RALYL: variants seen among roughly 807,000 people sequenced by gnomAD.
The protein encoded by RALYL is RNA-binding Raly-like protein.
In RALYL, 29 loss-of-function variants were observed where a neutral mutation model predicts 35.1. The ratio of observed to expected loss-of-function variants is 0.83; its 90% CI spans 0.61 to 1.13. The LOEUF (loss-of-function observed/expected upper bound fraction) is 1.13, where lower values mean the gene tolerates loss of function less well. RALYL is among the 50% of genes most tolerant of loss of function. RALYL has a pLI of 0.00. For missense variants in RALYL, 359 were observed against 360.4 expected (o/e 1.00, Z 0.03); for synonymous variants, 120 against 127.6 (o/e 0.94, Z 0.40).
At chr8:84,743,617 T>C (rs767936876) in intron 2 of RALYL, among the ~76,000 whole-genome samples, 1 of 152,062 alleles carries the variant, frequency 6.6e-6, no homozygotes, top group African/African-American at 2.4e-5. Context: ...TGAGTAGTTT[T>C]ATGCTTTTTG....
chr8:84,389,323 C>T (rs190676101), intron 1 of RALYL, among the ~76,000 whole-genome samples: 61 of 152,020 alleles, frequency 4.0e-4, no homozygotes, highest in African/African-American at 1.2e-3. Flanking sequence ...CTTGGCAATG[C>T]GGGCTCTTTT....
chr8:84,440,503 A>G (rs1311148672), intron 1 of RALYL, among the ~76,000 whole-genome samples: 1 of 152,018 alleles, frequency 6.6e-6, no homozygotes, highest in Non-Finnish European at 1.5e-5. Context: ...AAATGCAGCA[A>G]CTCTTATAAT....
At chr8:84,430,558 G>A (rs2047037076) in intron 1 of RALYL, among the ~76,000 whole-genome samples, 1 of 152,016 alleles carries the variant, frequency 6.6e-6, no homozygotes, top group South Asian at 2.1e-4. Flanking sequence ...AGAACCACTG[G>A]GAGGAAACCA....
chr8:84,307,488 A>C (rs1316655232), intron 1 of RALYL, among the ~76,000 whole-genome samples: 1 of 152,232 alleles, frequency 6.6e-6, no homozygotes. Flanking sequence ...AAATGAAGAA[A>C]AAAAAGCACA....
At chr8:84,730,073 C>G (rs1057346280) in intron 2 of RALYL, among the ~76,000 whole-genome samples, 2 of 152,082 alleles carry the variant, frequency 1.3e-5, no homozygotes, top group East Asian at 1.9e-4. Flanking sequence ...TGGGCGGAGA[C>G]ACAACCAAAA....
intron 2 of RALYL, among the ~76,000 whole-genome samples, chr8:84,553,810 G>A (rs1410298628): frequency 1.3e-5 from 2 of 151,796 alleles, no homozygotes; most frequent in African/African-American, 2.4e-5. Context: ...TGCCTATACT[G>A]TCTATTTTAT....
intron 1 of RALYL, among the ~76,000 whole-genome samples, chr8:84,511,415 A>AT (rs1294840766): frequency 6.6e-6 from 1 of 152,152 alleles, no homozygotes; most frequent in African/African-American, 2.4e-5. Context: ...GAATTCTCTT[A>AT]TTTTTTATTT....
At chr8:84,701,503 G>C (rs1415148124) in intron 2 of RALYL, among the ~76,000 whole-genome samples, 9 of 152,102 alleles carry the variant, frequency 5.9e-5, no homozygotes, top group Non-Finnish European at 1.5e-5. Context: ...TACTTAGAAG[G>C]TTTATGAAAT....
intron 8 of RALYL, among the ~76,000 whole-genome samples, chr8:84,891,825 T>C (rs917119236): frequency 6.6e-6 from 1 of 152,006 alleles, no homozygotes; most frequent in Admixed American, 6.6e-5. Context: ...TCCCAAAAAG[T>C]GAAATAAAAG....
At chr8:84,541,333 C>CT (rs2060006353) in intron 2 of RALYL, among the ~76,000 whole-genome samples, 2 of 151,864 alleles carry the variant, frequency 1.3e-5, no homozygotes, top group East Asian at 3.8e-4. Flanking sequence ...TTTTCTAGTT[C>CT]ATGTCTATAT....
chr8:84,705,583 T>C (rs74498184), intron 2 of RALYL, among the ~76,000 whole-genome samples: 2,250 of 152,302 alleles, frequency 0.015, 61 homozygotes, highest in African/African-American at 0.051. Context: ...CAAAATAATA[T>C]ACAAATTTCA....
chr8:84,723,431 C>A (rs938450759), intron 2 of RALYL, among the ~76,000 whole-genome samples: 1 of 151,952 alleles, frequency 6.6e-6, no homozygotes, highest in Non-Finnish European at 1.5e-5. Context: ...AACTTAAATT[C>A]AGTTGGGCAG....
At chr8:84,470,112 C>G (rs980105559) in intron 1 of RALYL, among the ~76,000 whole-genome samples, 1 of 152,180 alleles carries the variant, frequency 6.6e-6, no homozygotes, top group Admixed American at 6.5e-5. Context: ...GCGTCGCTCA[C>G]GCTGGGAGCT....
intron 7 of RALYL, among the ~76,000 whole-genome samples, chr8:84,882,427 T>C (rs1295179471): frequency 6.6e-6 from 1 of 152,060 alleles, no homozygotes; most frequent in Non-Finnish European, 1.5e-5. Context: ...TTACTTTGAC[T>C]TTGTGGTTTG....
At chr8:84,612,605 T>A (rs1818557409) in intron 2 of RALYL, among the ~76,000 whole-genome samples, 1 of 151,792 alleles carries the variant, frequency 6.6e-6, no homozygotes, top group Non-Finnish European at 1.5e-5. Flanking sequence ...AATATTCCTT[T>A]CCGGAGATAA....
At position 84,536,894 on chromosome 8, in the gene RALYL, T is replaced by A. The variant is rs1245737939; in HGVS notation, c.256+7317T>A. Among the ~76,000 whole-genome samples the A allele has an allele frequency of 2.0e-5, 3 of 152,272 alleles. No individual in the cohort carries two copies. In the East Asian group the frequency reaches 5.8e-4, roughly 29 times the overall value. On this transcript the variant is annotated intron_variant, in intron 2 of 8. Transcript: ENST00000521268. ...ATAAGCATACAAAAATATTTGAATA[T>A]GTAAATCTTGGAATTTTTCTTAACA...
At chr8:84,343,351 GA>G (rs1849218819) in intron 1 of RALYL, among the ~76,000 whole-genome samples, 1 of 152,020 alleles carries the variant, frequency 6.6e-6, no homozygotes, top group African/African-American at 2.4e-5. Flanking sequence ...CTTGCACTTT[GA>G]AAAGCAAATA....
At chr8:84,649,816 C>A (rs374119091) in intron 2 of RALYL, among the ~76,000 whole-genome samples, 38 of 151,860 alleles carry the variant, frequency 2.5e-4, no homozygotes, top group South Asian at 4.2e-4. Flanking sequence ...AATTCTGTGA[C>A]GAAAGTCATT....
intron 1 of RALYL, among the ~76,000 whole-genome samples, chr8:84,209,236 A>T (rs1818839995): frequency 6.6e-6 from 1 of 151,828 alleles, no homozygotes; most frequent in African/African-American, 2.4e-5. Context: ...TGTCCAACAG[A>T]TGCATGTGCA....
Sources: gnomAD v4.1 joint callset for allele counts (sites outside exome capture counted in the v4.1 genomes callset) on GRCh38, gnomAD v4.1.1 for gene constraint, MANE v1.5 for transcripts, NCBI Gene and HGNC (gene_info 2026-07-23, HGNC 2026-07-21) for gene names.